The following FGF14 variants were observed in gnomAD, a reference collection of about 807,000 sequenced individuals.
The protein encoded by FGF14 is fibroblast growth factor homologous factor 4.
FGF14 carries 5 observed loss-of-function variants against 25.5 expected under a neutral mutation model. The ratio of observed to expected loss-of-function variants is 0.20; its 90% CI spans 0.10 to 0.41. The LOEUF (loss-of-function observed/expected upper bound fraction) is 0.41, where lower values mean the gene tolerates loss of function less well. Among genes scored for constraint, FGF14 ranks in the 10% least tolerant of loss-of-function variants. The pLI, the probability that FGF14 is intolerant of heterozygous loss-of-function variation, is 1.00. For synonymous variants in FGF14, 138 were observed against 118.3 expected (o/e 1.17, Z -1.08); for missense variants, 222 against 320.1 (o/e 0.69, Z 2.34).
At chr13:102,309,337 CT>C (rs1472756650) in intron 1 of FGF14, among the ~76,000 whole-genome samples, 1 of 152,190 alleles carries the variant, frequency 6.6e-6, no homozygotes, top group African/African-American at 2.4e-5. Flanking sequence ...GTTTCTGGAA[CT>C]TCTCCAAAGC....
chr13:101,941,353 T>G (rs1257624692), intron 1 of FGF14, among the ~76,000 whole-genome samples: 1 of 152,252 alleles, frequency 6.6e-6, no homozygotes, highest in Admixed American at 6.5e-5. Flanking sequence ...GCTATATTTC[T>G]ATAACTAGAA....
intron 1 of FGF14, among the ~76,000 whole-genome samples, chr13:101,933,065 T>C (rs1001182730): frequency 6.6e-6 from 1 of 152,228 alleles, no homozygotes; most frequent in African/African-American, 2.4e-5. Context: ...TCTTTCTTAC[T>C]TGATCATAAT....
chr13:101,953,630 GC>G (rs1271386111), intron 1 of FGF14, among the ~76,000 whole-genome samples: 1 of 142,434 alleles, frequency 7.0e-6, no homozygotes, highest in African/African-American at 2.6e-5. Context: ...TGCTCTTGTT[GC>G]CCAGGCTGGA....
intron 1 of FGF14, among the ~76,000 whole-genome samples, chr13:102,095,316 C>T (rs2044342846): frequency 6.6e-6 from 1 of 152,022 alleles, no homozygotes; most frequent in Admixed American, 6.6e-5. Context: ...TTGATGGAGA[C>T]GACTGCTTCT....
intron 3 of FGF14, among the ~76,000 whole-genome samples, chr13:101,732,958 C>T (rs1431670224): frequency 2.6e-5 from 4 of 152,102 alleles, no homozygotes; most frequent in African/African-American, 4.8e-5. Context: ...ATCCCAATCT[C>T]TTTCATCTTT....
chr13:102,167,636 T>G (rs1435517054), intron 1 of FGF14, among the ~76,000 whole-genome samples: 4 of 152,140 alleles, frequency 2.6e-5, no homozygotes, highest in Admixed American at 6.6e-5. Context: ...GCTACCTGAA[T>G]AGTTGGCAAA....
chr13:101,940,567 C>T lies in FGF14; in HGVS notation c.209-65271G>A, dbSNP rs553841046. Among the ~76,000 whole-genome samples, 4 of 152,322 alleles carry T rather than the reference C, an allele frequency of 2.6e-5. No homozygotes were observed. The East Asian group carries it at 7.7e-4, about 29-fold the overall frequency. On this transcript the variant is annotated intron_variant, in intron 1 of 4. Coordinates refer to the FGF14 transcript ENST00000376131. ...ATAGGGTTGACCCTGTCCTTTCATT[C>T]AGGTTTCTACTCCATATCACCTCCT...
At chr13:102,042,069 A>T (rs917155641) in intron 1 of FGF14, among the ~76,000 whole-genome samples, 1 of 152,208 alleles carries the variant, frequency 6.6e-6, no homozygotes, top group Non-Finnish European at 1.5e-5. Flanking sequence ...TTCCTTCCTT[A>T]GTCATTTCCT....
At chr13:102,373,984 A>G (rs186717249) in intron 1 of FGF14, among the ~76,000 whole-genome samples, 101 of 152,210 alleles carry the variant, frequency 6.6e-4, no homozygotes, top group African/African-American at 2.2e-3. Flanking sequence ...AATATACAGC[A>G]AAAGTTGAGA....
intron 3 of FGF14, among the ~76,000 whole-genome samples, chr13:101,795,143 A>G (rs1043862915): frequency 1.3e-5 from 2 of 152,136 alleles, no homozygotes; most frequent in African/African-American, 4.8e-5. Flanking sequence ...ACTCAACTCC[A>G]CCACTATTTT....
chr13:101,715,454 C>A lies in FGF14; in HGVS notation c.*7377G>T. ...ATCATTGCACAATAAGAAAATCTAC[C>A]AAGGATGAATGAAATGATTTCATTG... On this transcript the variant is annotated 3_prime_UTR_variant, in exon 5 of 5. Coordinates refer to ENST00000376143, the MANE Select transcript of FGF14 (RefSeq NM_004115.4). 2.5e-6 allele frequency: 2 copies of A among 798,986 alleles called. No homozygotes were observed. Among genetic ancestry groups the A allele is most frequent in the South Asian group, 1.5e-5 (1 of 66,238 alleles). The allele number at this position is 798,986 out of a possible 1,614,324, so 49.5% of individuals were successfully genotyped here.
intron 1 of FGF14, among the ~76,000 whole-genome samples, chr13:102,060,973 G>T (rs1028303542): frequency 9.9e-5 from 15 of 152,188 alleles, no homozygotes; most frequent in African/African-American, 3.4e-4. Flanking sequence ...GTCATTGATG[G>T]CGGAACAATG....
chr13:102,017,162 C>G (rs534382793), intron 1 of FGF14: 10 of 246,296 alleles, frequency 4.1e-5, no homozygotes, highest in Admixed American at 1.6e-4. Context: ...TGCTAGCTGT[C>G]CATCCTTCTG....
intron 1 of FGF14, among the ~76,000 whole-genome samples, chr13:101,882,932 T>TC (rs1005499581): frequency 5.3e-5 from 8 of 152,268 alleles, no homozygotes; most frequent in African/African-American, 1.4e-4. Context: ...TGATAAAATT[T>TC]TTTTTTTATT....
In FGF14 at chr13:101,769,703, C is replaced by T. The variant is rs189614023; in HGVS notation, c.409-42893G>A. On this transcript the variant is annotated intron_variant, in intron 3 of 4. Coordinates refer to ENST00000376143, the MANE Select transcript of FGF14 (RefSeq NM_004115.4). ...GTATTACTAAGTGAAAGGAGCCAATCTTAAAAGCCTACATACCACATGATT... is the reference window on the plus strand; with the variant it reads ...GTATTACTAAGTGAAAGGAGCCAATTTTAAAAGCCTACATACCACATGATT... 8.5e-5 allele frequency among the ~76,000 whole-genome samples: 13 copies of T among 152,244 alleles called. No individual in the cohort carries two copies. In the East Asian group the frequency reaches 2.3e-3, roughly 27 times the overall value.
chr13:102,186,859 A>G (rs2048897191), intron 1 of FGF14, among the ~76,000 whole-genome samples: 1 of 152,208 alleles, frequency 6.6e-6, no homozygotes, highest in Non-Finnish European at 1.5e-5. Context: ...TATGCAAGCA[A>G]TGCAGGCACA....
intron 3 of FGF14, among the ~76,000 whole-genome samples, chr13:101,807,006 T>A (rs866357612): frequency 2.7e-4 from 41 of 152,016 alleles, no homozygotes; most frequent in African/African-American, 8.7e-4. Flanking sequence ...CAGCATAACA[T>A]AGCACACTAA....
chr13:102,040,738 T>C (rs1267292846), intron 1 of FGF14, among the ~76,000 whole-genome samples: 1 of 152,150 alleles, frequency 6.6e-6, no homozygotes, highest in Non-Finnish European at 1.5e-5. Context: ...TGACATGCAT[T>C]TTTGTTACTT....
intron 1 of FGF14, among the ~76,000 whole-genome samples, chr13:102,217,395 C>T (rs778607239): frequency 6.6e-6 from 1 of 152,128 alleles, no homozygotes; most frequent in South Asian, 2.1e-4. Flanking sequence ...CATTTCTGTT[C>T]TAAAGAAAAC....
Sources: gnomAD v4.1 joint callset for allele counts (sites outside exome capture counted in the v4.1 genomes callset) on GRCh38, gnomAD v4.1.1 for gene constraint, MANE v1.5 for transcripts, NCBI Gene and HGNC (gene_info 2026-07-23, HGNC 2026-07-21) for gene names.